Variants in LINGO2 observed in about 807,000 individuals in gnomAD.
LINGO2 encodes the protein leucine rich repeat and Ig domain containing 2, also known as leucine-rich repeat and immunoglobulin-like domain-containing nogo receptor-interacting protein 2.
LINGO2 carries 14 observed loss-of-function variants against 30.6 expected under a neutral mutation model. The observed-to-expected ratio is 0.46, with a 90% CI of 0.30 to 0.72. LINGO2 has a LOEUF of 0.72. Among genes scored for constraint, LINGO2 ranks in the 30% least tolerant of loss-of-function variants. LINGO2 has a pLI of 0.07. For synonymous variants in LINGO2, 317 were observed against 288.5 expected (o/e 1.10, Z -1.00); for missense variants, 729 against 751.7 (o/e 0.97, Z 0.35).
the LINGO2 span, among the ~76,000 whole-genome samples, chr9:29,039,115 T>G: frequency 6.6e-6 from 1 of 152,284 alleles, no homozygotes; most frequent in African/African-American, 2.4e-5. Flanking sequence ...ACTGCTTCAT[T>G]AAGTGAGGTT....
chr9:28,082,464 AT>A (rs148203860), intron 4 of LINGO2, among the ~76,000 whole-genome samples: 27,515 of 151,282 alleles, frequency 0.18, 3,004 homozygotes, highest in Non-Finnish European at 0.22. Flanking sequence ...TCTTAATACA[AT>A]TTTTTTTTCA....
At chr9:28,590,660 A>G (rs1383353449) in intron 1 of LINGO2, among the ~76,000 whole-genome samples, 2 of 152,128 alleles carry the variant, frequency 1.3e-5, no homozygotes, top group Non-Finnish European at 2.9e-5. Flanking sequence ...AGGAAACGAC[A>G]GGTGCTGGAG....
chr9:29,115,913 G>A, the LINGO2 span, among the ~76,000 whole-genome samples: 2 of 151,810 alleles, frequency 1.3e-5, no homozygotes, highest in Non-Finnish European at 2.9e-5. Context: ...AATCCATTCT[G>A]GCCAATTGAC....
the LINGO2 span, among the ~76,000 whole-genome samples, chr9:29,046,814 C>T: frequency 1.3e-5 from 2 of 151,998 alleles, no homozygotes; most frequent in African/African-American, 4.8e-5. Flanking sequence ...CATGGTGGCT[C>T]ATGCCTGTAA....
chr9:28,282,974 T>A lies in LINGO2; in HGVS notation c.-87+12234A>T, dbSNP rs544432582. 1.4e-4 allele frequency among the ~76,000 whole-genome samples: 21 copies of A among 152,282 alleles called. No homozygotes were observed. In the South Asian group the frequency reaches 4.1e-3, roughly 30 times the overall value. On this transcript the variant is annotated intron_variant, in intron 4 of 5. Coordinates refer to ENST00000379992, the Ensembl canonical transcript of LINGO2. ...CTGTGGCAGGTAAACCTAAACTCTT[T>A]CTGTTTCAGTCCATACTCAGGAACA...
At chr9:28,009,048 C>T (rs1822414385) in intron 5 of LINGO2, among the ~76,000 whole-genome samples, 1 of 152,038 alleles carries the variant, frequency 6.6e-6, no homozygotes, top group South Asian at 2.1e-4. Flanking sequence ...CAGTGTGGTG[C>T]TGACATTAGG....
chr9:28,365,830 T>G (rs892839172), intron 3 of LINGO2, among the ~76,000 whole-genome samples: 20 of 151,444 alleles, frequency 1.3e-4, no homozygotes, highest in African/African-American at 4.9e-4. Context: ...TGAATCCACT[T>G]TGAGACTACT....
intron 4 of LINGO2, among the ~76,000 whole-genome samples, chr9:28,286,016 C>A (rs1464508405): frequency 2.0e-5 from 3 of 152,134 alleles, no homozygotes; most frequent in Admixed American, 1.3e-4. Flanking sequence ...TCCATAAAGG[C>A]AACATGATAC....
chr9:28,362,232 G>A (rs971593556), intron 3 of LINGO2, among the ~76,000 whole-genome samples: 8 of 151,256 alleles, frequency 5.3e-5, no homozygotes, highest in Non-Finnish European at 1.0e-4. Flanking sequence ...GTGTGTGTGC[G>A]CATGCGCATG....
chr9:28,494,526 G>A (rs1202114877), intron 1 of LINGO2, among the ~76,000 whole-genome samples: 2 of 151,990 alleles, frequency 1.3e-5, no homozygotes, highest in Non-Finnish European at 2.9e-5. Flanking sequence ...CTTCATCCAT[G>A]TCCCTACAAA....
chr9:28,882,975 T>C, the LINGO2 span, among the ~76,000 whole-genome samples: 12 of 152,178 alleles, frequency 7.9e-5, no homozygotes, highest in Non-Finnish European at 1.5e-4. Flanking sequence ...GTAGTGATCT[T>C]TAAAATAAAC....
intron 2 of LINGO2, among the ~76,000 whole-genome samples, chr9:28,441,890 T>G (rs1056586165): frequency 6.6e-6 from 1 of 152,202 alleles, no homozygotes; most frequent in South Asian, 2.1e-4. Flanking sequence ...TGTTTAAGAT[T>G]GTTAGTTGTC....
chr9:28,224,074 T>C lies in LINGO2; in HGVS notation c.-87+71134A>G, dbSNP rs571894987. Among the ~76,000 whole-genome samples the C allele has an allele frequency of 2.6e-5, 4 of 152,248 alleles. No individual in the cohort carries two copies. In the East Asian group the frequency reaches 5.8e-4, roughly 22 times the overall value. ...ATACGAAATAAATAAGGCAGAATTT[T>C]TTTTTTCTGAGACGGAGTCTCACTC... On this transcript the variant is annotated intron_variant, in intron 4 of 5. Transcript: ENST00000379992.
chr9:28,139,003 C>G (rs1827600106), intron 4 of LINGO2, among the ~76,000 whole-genome samples: 1 of 152,194 alleles, frequency 6.6e-6, no homozygotes, highest in African/African-American at 2.4e-5. Flanking sequence ...ATCAGTAAGT[C>G]TCAAAAAGGC....
At chr9:28,376,919 G>A (rs1169229696) in intron 2 of LINGO2, among the ~76,000 whole-genome samples, 1 of 152,056 alleles carries the variant, frequency 6.6e-6, no homozygotes, top group African/African-American at 2.4e-5. Context: ...GTAGACATAG[G>A]CAATGATGGT....
At chr9:28,905,825 T>A in the LINGO2 span, among the ~76,000 whole-genome samples, 8 of 152,018 alleles carry the variant, frequency 5.3e-5, no homozygotes, top group African/African-American at 1.9e-4. Context: ...CCAAAGCATA[T>A]GAAATCAGTA....
intron 1 of LINGO2, among the ~76,000 whole-genome samples, chr9:28,517,681 T>G (rs1820674108): frequency 6.6e-6 from 1 of 152,206 alleles, no homozygotes; most frequent in Non-Finnish European, 1.5e-5. Context: ...ACAATGAATA[T>G]TCAGAAATTC....
chr9:28,898,225 AAGACAAT>A, the LINGO2 span, among the ~76,000 whole-genome samples: 1 of 152,212 alleles, frequency 6.6e-6, no homozygotes, highest in Non-Finnish European at 1.5e-5. Context: ...CGTGATTGAT[AAGACAAT>A]AGACCAAATC....
At chr9:29,140,414 G>A in the LINGO2 span, among the ~76,000 whole-genome samples, 1 of 151,382 alleles carries the variant, frequency 6.6e-6, no homozygotes, top group Admixed American at 6.6e-5. Flanking sequence ...CTCAACAGAG[G>A]GATTTAACAG....
Sources: gnomAD v4.1 joint callset for allele counts (sites outside exome capture counted in the v4.1 genomes callset) on GRCh38, gnomAD v4.1.1 for gene constraint, MANE v1.5 for transcripts, NCBI Gene and HGNC (gene_info 2026-07-23, HGNC 2026-07-21) for gene names.